The following VPS13C variants were observed in gnomAD, a reference collection of about 807,000 sequenced individuals.
VPS13C encodes intermembrane lipid transfer protein VPS13C.
VPS13C carries 358 observed loss-of-function variants against 456.8 expected under a neutral mutation model. The ratio of observed to expected loss-of-function variants is 0.78; its 90% CI spans 0.72 to 0.86. The LOEUF (loss-of-function observed/expected upper bound fraction) is 0.86, where lower values mean the gene tolerates loss of function less well. VPS13C is among the 40% of genes least tolerant of loss of function. VPS13C has a pLI of 0.00. For missense variants in VPS13C, 4,818 were observed against 4,385.4 expected, an observed-to-expected ratio of 1.10 and a Z score of -2.79; for synonymous variants, 1,578 against 1,486.7, an observed-to-expected ratio of 1.06 and a Z score of -1.41.
intron 6 of VPS13C, among the ~76,000 whole-genome samples, chr15:62,027,873 C>A (rs973559742): frequency 6.6e-6 from 1 of 152,034 alleles, no homozygotes; most frequent in Non-Finnish European, 1.5e-5. Flanking sequence ...TCTAGAGGCA[C>A]CTCCAGAGCT....
At chr15:61,916,593 TATTTAATTC>T (rs1331344434) in intron 60 of VPS13C, among the ~76,000 whole-genome samples, 1 of 152,114 alleles carries the variant, frequency 6.6e-6, no homozygotes, top group Non-Finnish European at 1.5e-5. Context: ...ATATAAATAC[TATTTAATTC>T]ATTTAATTAA....
chr15:61,984,754 A>T, intron 19 of VPS13C, 103 bp downstream of exon 19: 7 of 1,193,598 alleles, frequency 5.9e-6, no homozygotes, highest in Non-Finnish European at 8.2e-6. Context: ...AGGAAAAGAA[A>T]TTAAAGAGCT....
At chr15:62,004,654 A>C (rs1270635335) in intron 15 of VPS13C, among the ~76,000 whole-genome samples, 1 of 151,626 alleles carries the variant, frequency 6.6e-6, no homozygotes, top group African/African-American at 2.4e-5. Context: ...TCTTGTGGGC[A>C]TTTGGTGCTA....
At position 61,883,981 on chromosome 15, in the gene VPS13C, C is replaced by T. The variant is rs78100455; in HGVS notation, c.9483+147G>A. On this transcript the variant is annotated intron_variant, in intron 68 of 84. Coordinates refer to ENST00000644861, the MANE Select transcript of VPS13C (RefSeq NM_020821.3). ...ATATACTAACGTGTATCATTAGACA[C>T]GCCAATCCTATTAAGAAATAAAAGT... 2,295 of 573,870 alleles carry T rather than the reference C, an allele frequency of 4.0e-3. 53 individuals carry two copies. The African/African-American group carries it at 0.041, about 10-fold the overall frequency. The allele number at this position is 573,870 out of a possible 1,614,324, so 35.5% of individuals were successfully genotyped here. A position where few individuals can be genotyped will look rare whatever the true frequency, so the allele number is the denominator to read the frequency against.
rs866891532 is a variant in VPS13C, at chr15:62,008,655, C to A, written c.1118G>T (p.Trp373Leu). ...AAACAAAAAACAAATTCTAACTTAC[C>A]ATCGTCGACCATTGGTATGAAGTGG... is the stretch of plus-strand genomic sequence containing the variant. ...YLPLHTNGRR[W>L]WKYAIDSVLE... Residue 373 changes from tryptophan to leucine, a missense_variant and splice_region_variant, in exon 14 of 85, where the codon TGG becomes TTG. By Grantham distance (61) the Trp-to-Leu change is moderately conservative (BLOSUM62 -2). Around this residue, in one of 3 missense-constraint regions of VPS13C, gnomAD observed 4,552 missense variants for 4,130.6 expected, o/e 1.10. Coordinates refer to ENST00000644861, the MANE Select transcript of VPS13C (RefSeq NM_020821.3). 1.3e-6 allele frequency: 2 copies of A among 1,590,808 alleles called. No individual in the cohort carries two copies. Among genetic ancestry groups the A allele is most frequent in the Non-Finnish European group, 1.7e-6 (2 of 1,168,414 alleles).
In VPS13C at chr15:61,940,811, A is replaced by G; in HGVS notation, c.5454-17T>C. The stretch of plus-strand genomic sequence containing the variant: ...AAAATAGTTCTGAAAGAAAAACAAG[A>G]ATTTATTTTTTACTTCAAATTTACA... On this transcript the variant is annotated splice_polypyrimidine_tract_variant and intron_variant, in intron 46 of 84. Coordinates refer to ENST00000644861, the MANE Select transcript of VPS13C (RefSeq NM_020821.3). 1 of 1,602,940 alleles carries G rather than the reference A, an allele frequency of 6.2e-7. No homozygotes were observed.
In VPS13C at chr15:61,991,090, A is replaced by T; in HGVS notation, c.1488T>A (p.Ile496=). The T allele has an allele frequency of 2.5e-6, 4 of 1,596,342 alleles. No individual in the cohort carries two copies. Among genetic ancestry groups the T allele is most frequent in the Non-Finnish European group, 3.4e-6 (4 of 1,174,404 alleles). ...KDEESLIPET[I]DDLMTPEEKD... ...TTTCCTCTGGAGTCATAAGGTCATC[A>T]ATAGCTATGAAAAAACAACATTTTA... The change falls in exon 18 of 85, where the codon ATT becomes ATA. Residue 496 remains isoleucine (I), a synonymous_variant. Transcript: ENST00000644861.
chr15:61,873,993 C>T (rs190082950), intron 77 of VPS13C, among the ~76,000 whole-genome samples: 3 of 151,074 alleles, frequency 2.0e-5, no homozygotes, highest in East Asian at 1.9e-4. Flanking sequence ...GAATACTACT[C>T]AGGCATTAAA....
chr15:62,005,144 G>A (rs1235437786), intron 15 of VPS13C, among the ~76,000 whole-genome samples: 1 of 152,162 alleles, frequency 6.6e-6, no homozygotes, highest in African/African-American at 2.4e-5. Flanking sequence ...CATCATTAAT[G>A]TGTGGGACTC....
At chr15:61,871,222 T>C (rs557093451) in intron 79 of VPS13C, among the ~76,000 whole-genome samples, 2 of 152,318 alleles carry the variant, frequency 1.3e-5, no homozygotes, top group Non-Finnish European at 2.9e-5. Flanking sequence ...CTGAGTTTAA[T>C]GGTTTTGCTC....
rs768653848 is a variant in VPS13C at position 61,931,205 on chromosome 15, G to A, written c.5923C>T (p.His1975Tyr). The change falls in exon 50 of 85, where the codon CAT (histidine) becomes TAT (tyrosine). Residue 1975 changes from histidine to tyrosine, a missense_variant. Physicochemically the swap from His to Tyr is moderately conservative, Grantham distance 83. Around this residue, in one of 3 missense-constraint regions of VPS13C, gnomAD observed 4,552 missense variants for 4,130.6 expected, o/e 1.10. Coordinates refer to ENST00000644861, the MANE Select transcript of VPS13C (RefSeq NM_020821.3). ...ATCTTCCCTGAGGAGGCCATAAGAT[G>A]TAGTCTGAGTTCACCAAGTTGGAAA... ...DSFQLGELRL[H>Y]LMASSGKMFK... is the part of the protein sequence containing the mutation. 3.1e-6 allele frequency: 5 copies of A among 1,613,968 alleles called. No homozygotes were observed. The East Asian group carries it at 8.9e-5, about 29-fold the overall frequency.
At chr15:61,954,689 G>A (rs2044926101) in intron 37 of VPS13C, 135 bp from the exon 38 acceptor site, 2 of 826,562 alleles carry the variant, frequency 2.4e-6, no homozygotes, top group East Asian at 2.9e-5. Flanking sequence ...GCTAGCCCTT[G>A]GAAAACTCAT....
intron 15 of VPS13C, among the ~76,000 whole-genome samples, chr15:62,005,365 G>T (rs1395983913): frequency 6.6e-6 from 1 of 151,996 alleles, no homozygotes; most frequent in Non-Finnish European, 1.5e-5. Context: ...TTTTCCATTT[G>T]CTTGGTAGAT....
intron 80 of VPS13C, among the ~76,000 whole-genome samples, chr15:61,869,121 T>C (rs546028947): frequency 1.2e-3 from 171 of 146,920 alleles, no homozygotes; most frequent in African/African-American, 3.8e-3. Flanking sequence ...TTTTTCTTTT[T>C]TTTTTTTTTT....
At chr15:61,922,977 T>C (rs993161157) in intron 53 of VPS13C, among the ~76,000 whole-genome samples, 2 of 152,180 alleles carry the variant, frequency 1.3e-5, no homozygotes, top group African/African-American at 4.8e-5. Flanking sequence ...CAAGTAATCA[T>C]GCAACACTGA....
At chr15:62,054,379 T>TAAAAAAAAATTTAAAAATTTCTTTTAAAA (rs1396891001) in intron 1 of VPS13C, among the ~76,000 whole-genome samples, 9 of 152,202 alleles carry the variant, frequency 5.9e-5, no homozygotes, top group African/African-American at 2.2e-4. Flanking sequence ...AGAGGTTTTT[T>TAAAAAAAAATTTAAAAATTTCTTTTAAAA]TTAAAAGAAA....
chr15:62,018,767 G>T (rs1221468894), intron 9 of VPS13C, among the ~76,000 whole-genome samples: 2 of 152,088 alleles, frequency 1.3e-5, no homozygotes, highest in Non-Finnish European at 2.9e-5. Context: ...TTGTGTCTCT[G>T]CCAGGCTTTG....
chr15:61,865,874 C>T, intron 81 of VPS13C: 1 of 951,850 alleles, frequency 1.1e-6, no homozygotes, highest in South Asian at 4.9e-5. Context: ...GATTCAGTAA[C>T]TCTCAAAGCT....
intron 82 of VPS13C, among the ~76,000 whole-genome samples, chr15:61,857,969 G>C (rs1596260287): frequency 6.6e-6 from 1 of 152,104 alleles, no homozygotes; most frequent in African/African-American, 2.4e-5. Context: ...CCCCAGCCTA[G>C]TAAGTGGCAG....
Sources: allele counts gnomAD v4.1 joint callset (sites outside exome capture counted in the v4.1 genomes callset), GRCh38; gene constraint gnomAD v4.1.1; regional missense constraint gnomAD v4.1.1; transcripts MANE v1.5; gene names NCBI Gene and HGNC (gene_info 2026-07-23, HGNC 2026-07-21).